TMTC2: variants seen among roughly 807,000 people sequenced by gnomAD.
TMTC2 encodes the protein protein O-mannosyl-transferase TMTC2.
A neutral mutation model predicts 82.4 loss-of-function variants in TMTC2; 43 were observed. That is an observed-to-expected ratio of 0.52 (90% confidence interval 0.41 to 0.67). The LOEUF (loss-of-function observed/expected upper bound fraction) is 0.67, where lower values mean the gene tolerates loss of function less well. Among genes scored for constraint, TMTC2 ranks in the 30% least tolerant of loss-of-function variants. The pLI is 0.00. For synonymous variants in TMTC2, 408 were observed against 381.9 expected, an observed-to-expected ratio of 1.07 and a Z score of -0.80; for missense variants, 919 against 1,012.4, an observed-to-expected ratio of 0.91 and a Z score of 1.25.
intron 2 of TMTC2, among the ~76,000 whole-genome samples, chr12:82,867,948 G>T (rs757623330): frequency 2.6e-5 from 4 of 152,152 alleles, no homozygotes; most frequent in Admixed American, 2.0e-4. Context: ...TCGGGGAAAG[G>T]CCATTGGACT....
At chr12:82,768,948 G>T (rs1281848239) in intron 1 of TMTC2, among the ~76,000 whole-genome samples, 1 of 151,942 alleles carries the variant, frequency 6.6e-6, no homozygotes, top group Non-Finnish European at 1.5e-5. Flanking sequence ...TAAGCAGTGT[G>T]GCTGCAGTCC....
intron 1 of TMTC2, among the ~76,000 whole-genome samples, chr12:82,753,262 GA>G (rs1876114953): frequency 6.6e-6 from 1 of 150,436 alleles, no homozygotes; most frequent in African/African-American, 2.4e-5. Flanking sequence ...TATATAAGGA[GA>G]AAATAATTTA....
chr12:83,043,224 G>A (rs1194494567), intron 9 of TMTC2, among the ~76,000 whole-genome samples: 1 of 152,166 alleles, frequency 6.6e-6, no homozygotes, highest in Non-Finnish European at 1.5e-5. Flanking sequence ...TTATCTCAGA[G>A]AATTAGTGTT....
intron 11 of TMTC2, among the ~76,000 whole-genome samples, chr12:83,086,539 A>G (rs1409472626): frequency 2.0e-5 from 3 of 152,138 alleles, no homozygotes; most frequent in Non-Finnish European, 2.9e-5. Flanking sequence ...CAGTTTCCTC[A>G]TCTGTCCAGT....
chr12:83,070,022 CT>C (rs1883055512), intron 11 of TMTC2, among the ~76,000 whole-genome samples: 1 of 152,086 alleles, frequency 6.6e-6, no homozygotes, highest in Admixed American at 6.6e-5. Flanking sequence ...TCTGGGTTCT[CT>C]ATTCTGTTCC....
intron 1 of TMTC2, among the ~76,000 whole-genome samples, chr12:82,846,132 G>T (rs1201455523): frequency 6.6e-6 from 1 of 152,080 alleles, no homozygotes; most frequent in Non-Finnish European, 1.5e-5. Context: ...GCCGAGGCAG[G>T]CAGATCACTT....
At chr12:83,000,412 G>A (rs1198891406) in intron 8 of TMTC2, among the ~76,000 whole-genome samples, 1 of 152,290 alleles carries the variant, frequency 6.6e-6, no homozygotes, top group Middle Eastern at 3.4e-3. Context: ...GGGATTACAG[G>A]CATGAGCCAC....
At chr12:82,930,035 T>C (rs1489965335) in intron 3 of TMTC2, among the ~76,000 whole-genome samples, 1 of 152,160 alleles carries the variant, frequency 6.6e-6, no homozygotes, top group Non-Finnish European at 1.5e-5. Context: ...AGTTTTTTCA[T>C]ACTTGAATGA....
intron 11 of TMTC2, among the ~76,000 whole-genome samples, chr12:83,085,912 C>T (rs1883638668): frequency 6.6e-6 from 1 of 152,142 alleles, no homozygotes; most frequent in South Asian, 2.1e-4. Context: ...CTGTCATGGA[C>T]CTTGATCACA....
intron 2 of TMTC2, among the ~76,000 whole-genome samples, chr12:82,891,378 G>A (rs574195375): frequency 1.3e-5 from 2 of 152,144 alleles, no homozygotes; most frequent in South Asian, 4.2e-4. Flanking sequence ...ACGGGGCCTC[G>A]GCTCACTGCA....
Position 82,733,685 on chromosome 12 carries a change from C to CA in TMTC2, c.83+46017dup, listed in dbSNP as rs1317765434. Among the ~76,000 whole-genome samples, 3 of 152,132 alleles carry CA rather than the reference C, an allele frequency of 2.0e-5. No individual in the cohort carries two copies. The East Asian group carries it at 5.8e-4, about 29-fold the overall frequency. ...CAGCAGCAAAGGAAAAACTGGAAAA[C>CA]AGGACAATTGGAGTGAAGAGAAGTA... On this transcript the variant is annotated intron_variant, in intron 1 of 11. Coordinates refer to ENST00000321196, the MANE Select transcript of TMTC2 (RefSeq NM_152588.3).
intron 11 of TMTC2, among the ~76,000 whole-genome samples, chr12:83,114,683 A>T (rs1319632251): frequency 1.3e-5 from 2 of 152,186 alleles, no homozygotes; most frequent in Non-Finnish European, 2.9e-5. Context: ...ATTGGCAAAC[A>T]TAGACATTAA....
intron 11 of TMTC2, among the ~76,000 whole-genome samples, chr12:83,076,169 T>C (rs1330265688): frequency 6.6e-6 from 1 of 152,200 alleles, no homozygotes. Flanking sequence ...ACAATCTACA[T>C]GCAATCATTT....
At chr12:82,754,080 C>A (rs890211181) in intron 1 of TMTC2, among the ~76,000 whole-genome samples, 2 of 152,038 alleles carry the variant, frequency 1.3e-5, no homozygotes, top group Admixed American at 1.3e-4. Flanking sequence ...TTGGGAGATA[C>A]CCCAAAGAAA....
chr12:83,018,339 G>A (rs551278662), intron 8 of TMTC2, among the ~76,000 whole-genome samples: 14 of 152,226 alleles, frequency 9.2e-5, no homozygotes, highest in South Asian at 2.1e-4. Flanking sequence ...TGTCAACTCC[G>A]TTTTGTGAGC....
intron 1 of TMTC2, among the ~76,000 whole-genome samples, chr12:82,819,967 C>T (rs1868992396): frequency 6.6e-6 from 1 of 152,180 alleles, no homozygotes; most frequent in African/African-American, 2.4e-5. Context: ...GGAAGCTAGT[C>T]CAAGTCCCAA....
chr12:82,738,843 C>T (rs1875244923), intron 1 of TMTC2, among the ~76,000 whole-genome samples: 1 of 151,902 alleles, frequency 6.6e-6, no homozygotes, highest in Non-Finnish European at 1.5e-5. Context: ...ATTCTTCTTT[C>T]TAGTTAATGA....
rs117252838 is a variant in TMTC2, at chr12:83,032,542, A to T, written c.2152+1663A>T. ...TTTAAACAGAAAGTTCTACAAAAAAAATTTTTTTTTTAATTTTTTTAGATG... is the reference window on the plus strand; with the variant it reads ...TTTAAACAGAAAGTTCTACAAAAAATATTTTTTTTTTAATTTTTTTAGATG... On this transcript the variant is annotated intron_variant, in intron 9 of 11. Coordinates refer to ENST00000321196, the MANE Select transcript of TMTC2 (RefSeq NM_152588.3). Among the ~76,000 whole-genome samples the T allele has an allele frequency of 1.9e-3, 288 of 151,460 alleles. 11 individuals are homozygous for T. The South Asian group carries it at 0.041, about 22-fold the overall frequency.
chr12:82,928,269 A>T (rs1306816121), intron 3 of TMTC2, among the ~76,000 whole-genome samples: 1 of 152,148 alleles, frequency 6.6e-6, no homozygotes, highest in East Asian at 1.9e-4. Flanking sequence ...AGAGATTCCA[A>T]TGTAAATATA....
Sources: allele counts gnomAD v4.1 joint callset (sites outside exome capture counted in the v4.1 genomes callset), GRCh38; gene constraint gnomAD v4.1.1; transcripts MANE v1.5; gene names NCBI Gene and HGNC (gene_info 2026-07-23, HGNC 2026-07-21).